The following SNTG1 variants were observed in gnomAD, a reference collection of about 807,000 sequenced individuals.
SNTG1 encodes the protein syntrophin gamma 1.
SNTG1 carries 39 observed loss-of-function variants against 74.7 expected under a neutral mutation model. That is an observed-to-expected ratio of 0.52 (90% confidence interval 0.40 to 0.68). The LOEUF (loss-of-function observed/expected upper bound fraction) is 0.68. Among genes scored for constraint, SNTG1 ranks in the 30% least tolerant of loss-of-function variants. SNTG1 has a pLI of 0.00. For missense variants in SNTG1, 685 were observed against 609.5 expected (o/e 1.12, Z -1.30); for synonymous variants, 254 against 217.1 (o/e 1.17, Z -1.49).
chr8:50,024,832 G>A (rs1817127238), intron 1 of SNTG1, among the ~76,000 whole-genome samples: 1 of 152,110 alleles, frequency 6.6e-6, no homozygotes, highest in Non-Finnish European at 1.5e-5. Context: ...ATTAGTGGGT[G>A]GGCAAGTAGT....
chr8:50,768,800 C>T (rs746865572), intron 18 of SNTG1, among the ~76,000 whole-genome samples: 7 of 151,980 alleles, frequency 4.6e-5, no homozygotes, highest in Non-Finnish European at 5.9e-5. Flanking sequence ...TGGAGTGCTT[C>T]GTTCTGTAAA....
chr8:50,081,612 GT>G (rs1250076652), intron 1 of SNTG1, among the ~76,000 whole-genome samples: 2 of 151,336 alleles, frequency 1.3e-5, no homozygotes, highest in Non-Finnish European at 3.0e-5. Flanking sequence ...TGTTCACTTC[GT>G]TTTTTTTGTT....
chr8:50,389,103 G>A (rs890699316), intron 2 of SNTG1, among the ~76,000 whole-genome samples: 4 of 152,162 alleles, frequency 2.6e-5, no homozygotes, highest in African/African-American at 9.7e-5. Context: ...TAGAGGGCAC[G>A]GGAAGCATGT....
rs190836703 is a variant in SNTG1 at position 50,690,395 on chromosome 8, A to C, written c.1039-14205A>C. Among the ~76,000 whole-genome samples, 14 of 152,242 alleles carry C rather than the reference A, an allele frequency of 9.2e-5. No homozygotes were observed. The East Asian group carries it at 2.7e-3, about 29-fold the overall frequency. ...CTCTTGTGGGCATTTAGTGCTATAAAATTCCCTCTACACACTGGTTTGAAT... is the reference window on the plus strand; with the variant it reads ...CTCTTGTGGGCATTTAGTGCTATAACATTCCCTCTACACACTGGTTTGAAT... On this transcript the variant is annotated intron_variant, in intron 15 of 18. Coordinates refer to ENST00000642720, the MANE Select transcript of SNTG1 (RefSeq NM_018967.5).
intron 2 of SNTG1, among the ~76,000 whole-genome samples, chr8:50,230,689 A>G (rs759453861): frequency 6.6e-5 from 10 of 151,362 alleles, no homozygotes; most frequent in African/African-American, 9.7e-5. Context: ...AGAAAACAGG[A>G]TATCCACATG....
intron 16 of SNTG1, among the ~76,000 whole-genome samples, chr8:50,707,122 C>G (rs2095445931): frequency 6.6e-6 from 1 of 151,870 alleles, no homozygotes; most frequent in Non-Finnish European, 1.5e-5. Flanking sequence ...CAATGAGTCT[C>G]AATTTATAGC....
intron 13 of SNTG1, among the ~76,000 whole-genome samples, chr8:50,620,000 A>AT (rs2094911377): frequency 6.6e-6 from 1 of 151,898 alleles, no homozygotes; most frequent in Non-Finnish European, 1.5e-5. Flanking sequence ...AACAGCACAG[A>AT]TTTCTCACCT....
At chr8:50,491,151 G>C (rs888227708) in intron 8 of SNTG1, 1 of 152,392 alleles carries the variant, frequency 6.6e-6, no homozygotes, top group Non-Finnish European at 1.5e-5. Flanking sequence ...GGTTCTGCCG[G>C]GAACCTCTGA....
intron 2 of SNTG1, among the ~76,000 whole-genome samples, chr8:50,309,251 C>CTTTT (rs2090015898): frequency 6.6e-6 from 1 of 151,738 alleles, no homozygotes; most frequent in Non-Finnish European, 1.5e-5. Flanking sequence ...TTTTCTAAAG[C>CTTTT]AAAAATGACA....
At chr8:50,596,601 G>A (rs997665902) in intron 13 of SNTG1, among the ~76,000 whole-genome samples, 7 of 151,974 alleles carry the variant, frequency 4.6e-5, no homozygotes, top group African/African-American at 1.7e-4. Flanking sequence ...ACATACATGT[G>A]GGCCTATTTC....
chr8:50,381,069 C>G (rs1331519535), intron 2 of SNTG1: 3 of 151,874 alleles, frequency 2.0e-5, no homozygotes, highest in Non-Finnish European at 4.4e-5. Context: ...CTACATGGAT[C>G]AAAGATGAGG....
chr8:50,593,189 T>C (rs1171923468), intron 13 of SNTG1, among the ~76,000 whole-genome samples: 1 of 152,100 alleles, frequency 6.6e-6, no homozygotes, highest in African/African-American at 2.4e-5. Flanking sequence ...ACCCAGATGG[T>C]ACCACTACCC....
intron 1 of SNTG1, among the ~76,000 whole-genome samples, chr8:50,067,632 ATGT>A: frequency 6.6e-6 from 1 of 152,084 alleles, no homozygotes; most frequent in Non-Finnish European, 1.5e-5. Context: ...GTTATGACTC[ATGT>A]ATTATTTTTG....
chr8:50,048,682 C>T (rs903461683), intron 1 of SNTG1, among the ~76,000 whole-genome samples: 21 of 152,014 alleles, frequency 1.4e-4, no homozygotes, highest in Non-Finnish European at 2.5e-4. Flanking sequence ...TGTAGAATGT[C>T]GCTCATATTT....
chr8:50,306,617 GT>G (rs1382833187), intron 2 of SNTG1, among the ~76,000 whole-genome samples: 1 of 152,018 alleles, frequency 6.6e-6, no homozygotes, highest in Non-Finnish European at 1.5e-5. Flanking sequence ...GTATCTCATT[GT>G]GGTTTTAATT....
chr8:50,682,412 G>A (rs1164997988), intron 15 of SNTG1, among the ~76,000 whole-genome samples: 2 of 151,978 alleles, frequency 1.3e-5, no homozygotes, highest in Non-Finnish European at 2.9e-5. Flanking sequence ...AGGTGACTCA[G>A]GTCAAAGCAG....
At chr8:49,949,774 A>T (rs906777405) in intron 1 of SNTG1, among the ~76,000 whole-genome samples, 1 of 152,196 alleles carries the variant, frequency 6.6e-6, no homozygotes, top group Non-Finnish European at 1.5e-5. Flanking sequence ...TCATTGAGCT[A>T]TCCTTCTCTA....
intron 10 of SNTG1, among the ~76,000 whole-genome samples, chr8:50,533,141 C>T (rs1213242200): frequency 6.6e-6 from 1 of 152,138 alleles, no homozygotes; most frequent in Non-Finnish European, 1.5e-5. Context: ...GCTCTTAAGC[C>T]CCAGCCCAGA....
intron 9 of SNTG1, among the ~76,000 whole-genome samples, chr8:50,514,851 T>C (rs1207445167): frequency 6.6e-6 from 1 of 152,188 alleles, no homozygotes; most frequent in African/African-American, 2.4e-5. Context: ...ATTGTGTTGC[T>C]GTCTATCCCT....
Sources: allele counts gnomAD v4.1 joint callset (sites outside exome capture counted in the v4.1 genomes callset), GRCh38; gene constraint gnomAD v4.1.1; transcripts MANE v1.5; gene names NCBI Gene and HGNC (gene_info 2026-07-23, HGNC 2026-07-21).